PLCL1: variants seen among roughly 807,000 people sequenced by gnomAD.
The protein encoded by PLCL1 is phospholipase C like 1 (inactive), also known as inactive phospholipase C-like protein 1.
Under a neutral mutation model 84.4 loss-of-function variants are expected in PLCL1, and 41 were observed. That is an observed-to-expected ratio of 0.49 (90% CI 0.38 to 0.63). The LOEUF (loss-of-function observed/expected upper bound fraction) is 0.63, where lower values mean the gene tolerates loss of function less well. Ranked by LOEUF, PLCL1 falls within the 30% of genes least tolerant of loss-of-function variation. The pLI, the probability that PLCL1 is intolerant of heterozygous loss-of-function variation, is 0.00. For synonymous variants in PLCL1, 490 were observed against 488.3 expected (o/e 1.00, Z -0.05); for missense variants, 1,206 against 1,367.8 (o/e 0.88, Z 1.87).
At chr2:197,936,870 G>A (rs554019875) in intron 1 of PLCL1, among the ~76,000 whole-genome samples, 4 of 152,098 alleles carry the variant, frequency 2.6e-5, no homozygotes, top group East Asian at 1.9e-4. Context: ...CCAATGTCAC[G>A]TAGCTTTCCC....
chr2:197,881,827 C>T (rs1485567412), intron 1 of PLCL1, among the ~76,000 whole-genome samples: 1 of 152,116 alleles, frequency 6.6e-6, no homozygotes, highest in Admixed American at 6.6e-5. Context: ...CACCCAGCTC[C>T]AACAATCAAT....
intron 1 of PLCL1, among the ~76,000 whole-genome samples, chr2:197,958,124 T>A (rs1007294432): frequency 6.6e-6 from 1 of 152,082 alleles, no homozygotes; most frequent in African/African-American, 2.4e-5. Flanking sequence ...AACAACTCTT[T>A]GGTTAAGGGT....
chr2:198,048,669 A>G (rs1279141858), intron 1 of PLCL1, among the ~76,000 whole-genome samples: 1 of 152,188 alleles, frequency 6.6e-6, no homozygotes, highest in Non-Finnish European at 1.5e-5. Context: ...ATGTGAACTC[A>G]TTACCATGGG....
At chr2:198,080,630 A>G (rs1413156662) in intron 1 of PLCL1, among the ~76,000 whole-genome samples, 1 of 152,182 alleles carries the variant, frequency 6.6e-6, no homozygotes, top group Non-Finnish European at 1.5e-5. Context: ...AGACCTGGAG[A>G]AATATCAGAC....
At chr2:197,944,943 T>C (rs777112764) in intron 1 of PLCL1, among the ~76,000 whole-genome samples, 10 of 152,224 alleles carry the variant, frequency 6.6e-5, no homozygotes, top group Non-Finnish European at 1.2e-4. Context: ...TTTGTGGTTA[T>C]GGAATTTTGA....
chr2:198,027,632 T>C lies in PLCL1; in HGVS notation c.241-56126T>C, dbSNP rs543905338. 1.1e-3 allele frequency among the ~76,000 whole-genome samples: 161 copies of C among 152,216 alleles called. 1 individual carries two copies. The highest frequency in any genetic ancestry group is 3.8e-3 in the African/African-American group (158 of 41,538). ...ATAAATATATACAATTTTTGTCACT[T>C]GAAAAAATCCTAGAAAGGGGAAAAA... On this transcript the variant is annotated intron_variant, in intron 1 of 5. Coordinates refer to ENST00000428675, the MANE Select transcript of PLCL1 (RefSeq NM_006226.4).
intron 1 of PLCL1, among the ~76,000 whole-genome samples, chr2:197,866,180 ATATATATATAAAC>A: frequency 9.7e-6 from 1 of 103,074 alleles, no homozygotes; most frequent in East Asian, 2.3e-4. Flanking sequence ...TATAAACTAT[ATATATATATAAAC>A]TATATATATA....
In PLCL1 at chr2:198,103,961, C is replaced by T. The variant is rs529631803; in HGVS notation, c.3105+25C>T. 34 of 1,184,224 alleles carry T rather than the reference C, an allele frequency of 2.9e-5. No homozygotes were observed. In the South Asian group the frequency reaches 4.6e-4, roughly 16 times the overall value. 73.4% of individuals were successfully genotyped at this position (1,184,224 alleles called of 1,614,324 possible). On this transcript the variant is annotated intron_variant, in intron 5 of 5. Transcript: ENST00000428675. Reference sequence around the variant, plus strand: ...GGTAGATGAAACACTCAGATGTCCCCTGTGCCTTTACTTTTCTTCTCCTCA... The same window carrying T: ...GGTAGATGAAACACTCAGATGTCCCTTGTGCCTTTACTTTTCTTCTCCTCA...
At chr2:198,024,605 A>C (rs950801753) in intron 1 of PLCL1, among the ~76,000 whole-genome samples, 39 of 152,052 alleles carry the variant, frequency 2.6e-4, no homozygotes, top group African/African-American at 9.4e-4. Context: ...CTGTACTAAA[A>C]ATACAAAATT....
intron 1 of PLCL1, among the ~76,000 whole-genome samples, chr2:197,842,191 C>T (rs1687018594): frequency 6.6e-6 from 1 of 152,086 alleles, no homozygotes; most frequent in Non-Finnish European, 1.5e-5. Context: ...GCCTACCTGC[C>T]CCTTACATGA....
chr2:198,066,321 C>T (rs1441366908), intron 1 of PLCL1, among the ~76,000 whole-genome samples: 3 of 152,136 alleles, frequency 2.0e-5, no homozygotes, highest in Non-Finnish European at 4.4e-5. Context: ...TCTTAATACT[C>T]TAGAGCCACT....
chr2:197,949,374 C>T (rs1293316386), intron 1 of PLCL1, among the ~76,000 whole-genome samples: 3 of 152,148 alleles, frequency 2.0e-5, no homozygotes, highest in Non-Finnish European at 2.9e-5. Flanking sequence ...ATGAAATGGA[C>T]ATCTGCACTC....
intron 1 of PLCL1, among the ~76,000 whole-genome samples, chr2:197,936,880 C>T (rs889096462): frequency 3.3e-5 from 5 of 152,032 alleles, no homozygotes; most frequent in Admixed American, 1.3e-4. Flanking sequence ...GTAGCTTTCC[C>T]CCTGTGTTTT....
intron 5 of PLCL1, among the ~76,000 whole-genome samples, chr2:198,142,420 G>A (rs970460024): frequency 1.3e-5 from 2 of 151,982 alleles, no homozygotes; most frequent in Admixed American, 6.6e-5. Context: ...AGCAATGCAC[G>A]GCAGCCCAAT....
At chr2:197,981,866 T>C (rs1690114467) in intron 1 of PLCL1, among the ~76,000 whole-genome samples, 1 of 152,220 alleles carries the variant, frequency 6.6e-6, no homozygotes, top group Non-Finnish European at 1.5e-5. Context: ...AGAGGCCAGC[T>C]GTCTTATCTA....
intron 1 of PLCL1, among the ~76,000 whole-genome samples, chr2:197,866,193 CTA>C (rs202235452): frequency 3.7e-5 from 3 of 81,936 alleles, no homozygotes; most frequent in East Asian, 2.6e-4. Context: ...TATATATAAA[CTA>C]TATATATATA....
chr2:198,028,950 A>G (rs111497049), intron 1 of PLCL1, among the ~76,000 whole-genome samples: 4 of 152,228 alleles, frequency 2.6e-5, no homozygotes, highest in African/African-American at 7.2e-5. Context: ...CTATTCAAAC[A>G]TTCTGAAATT....
chr2:197,922,979 C>A (rs7576263), intron 1 of PLCL1, among the ~76,000 whole-genome samples: 2 of 38,762 alleles, frequency 5.2e-5, no homozygotes, highest in Admixed American at 2.9e-4. Context: ...CCTCCCGGAC[C>A]GGGCGGCTGG....
intron 1 of PLCL1, among the ~76,000 whole-genome samples, chr2:197,953,184 T>C (rs1171030018): frequency 6.6e-6 from 1 of 152,138 alleles, no homozygotes; most frequent in Non-Finnish European, 1.5e-5. Context: ...AATGCGGAGA[T>C]GTAACTCGGG....
Sources: allele counts gnomAD v4.1 joint callset (sites outside exome capture counted in the v4.1 genomes callset), GRCh38; gene constraint gnomAD v4.1.1; transcripts MANE v1.5; gene names NCBI Gene and HGNC (gene_info 2026-07-23, HGNC 2026-07-21).